ITSN2: variants seen among roughly 807,000 people sequenced by gnomAD.
The protein encoded by ITSN2 is intersectin 2, also known as intersectin-2.
Under a neutral mutation model 243.7 loss-of-function variants are expected in ITSN2, and 156 were observed. The ratio of observed to expected loss-of-function variants is 0.64; its 90% CI spans 0.56 to 0.73. ITSN2 has a LOEUF of 0.73. ITSN2 is among the 30% of genes least tolerant of loss of function. The pLI is 0.00. For synonymous variants in ITSN2, 703 were observed against 699.9 expected (o/e 1.00, Z -0.07); for missense variants, 1,801 against 1,996.1 (o/e 0.90, Z 1.86).
chr2:24,266,832 G>T (rs1238820741), intron 20 of ITSN2, among the ~76,000 whole-genome samples: 1 of 151,346 alleles, frequency 6.6e-6, no homozygotes, highest in Non-Finnish European at 1.5e-5. Context: ...CACTACTCAA[G>T]AGGTTGAGGT....
chr2:24,301,087 C>A, intron 11 of ITSN2, 67 bp downstream of exon 11: 1 of 816,610 alleles, frequency 1.2e-6, no homozygotes, highest in Non-Finnish European at 1.9e-6. Flanking sequence ...CTAAATATTC[C>A]ATTACATTTA....
intron 29 of ITSN2, among the ~76,000 whole-genome samples, chr2:24,231,259 G>A (rs1479487008): frequency 6.6e-6 from 1 of 152,092 alleles, no homozygotes. Context: ...TCAAACACCA[G>A]CTCCAAGATG....
At chr2:24,213,300 A>G (rs1453559131) in intron 32 of ITSN2, among the ~76,000 whole-genome samples, 1 of 152,156 alleles carries the variant, frequency 6.6e-6, no homozygotes, top group Non-Finnish European at 1.5e-5. Flanking sequence ...ATCGTGTTGC[A>G]GTGTCTCTAT....
Position 24,203,474 on chromosome 2 carries a change from T to TA in ITSN2, c.*151dup, listed in dbSNP as rs1668521828. ...AAAGGTGTTTGCATAGATTGCTAGC[T>TA]ATTTAGTGTGCAGGAAAACAGAGCC... On this transcript the variant is annotated 3_prime_UTR_variant, in exon 40 of 40. Transcript: ENST00000355123. 1.4e-6 allele frequency: 1 copy of TA among 694,230 alleles called. No homozygotes were observed. The highest frequency in any genetic ancestry group is 2.3e-6 in the Non-Finnish European group (1 of 425,986). The allele number at this position is 694,230 out of a possible 1,614,324, so 43.0% of individuals were successfully genotyped here.
At chr2:24,261,053 T>G in intron 22 of ITSN2, 53 bp downstream of exon 22, 1 of 1,525,354 alleles carries the variant, frequency 6.6e-7, no homozygotes, top group South Asian at 1.2e-5. Context: ...CATTCTATTT[T>G]AATCAGGAGC....
At position 24,208,307 on chromosome 2, in the gene ITSN2, C is replaced by T. The variant is rs143298177; in HGVS notation, c.4608G>A (p.Val1536=). 5 of 1,612,286 alleles carry T rather than the reference C, an allele frequency of 3.1e-6. No individual in the cohort carries two copies. The highest frequency in any genetic ancestry group is 4.2e-6 in the Non-Finnish European group (5 of 1,179,808). The part of the protein sequence containing the change: ...TDNINERTAW[V]QKIKAASEQY... ...GCTCAGACGCCGCCTTGATCTTCTG[C>T]ACCCAGGCGGTCCTACGGGAGAAGC... The change falls in exon 37 of 40, where the codon GTG becomes GTA. Residue 1536 remains valine, a synonymous_variant. Coordinates refer to ENST00000355123, the MANE Select transcript of ITSN2 (RefSeq NM_006277.3).
At chr2:24,273,081 C>T (rs1396007187) in intron 18 of ITSN2, among the ~76,000 whole-genome samples, 3 of 152,172 alleles carry the variant, frequency 2.0e-5, no homozygotes. Flanking sequence ...AAAGTGGGAA[C>T]CTTGGCATAA....
chr2:24,340,981 A>T (rs1686997212), intron 1 of ITSN2, among the ~76,000 whole-genome samples: 1 of 152,200 alleles, frequency 6.6e-6, no homozygotes, highest in Admixed American at 6.5e-5. Context: ...CCAATTATGA[A>T]GTGACTGGCA....
At chr2:24,203,821 C>A (rs776594663) in intron 39 of ITSN2, 38 bp from the exon 40 acceptor site, 1 of 1,576,242 alleles carries the variant, frequency 6.3e-7, no homozygotes, top group Non-Finnish European at 8.6e-7. Flanking sequence ...AGTCTTTCTT[C>A]TTTATAAAAT....
intron 13 of ITSN2, among the ~76,000 whole-genome samples, chr2:24,296,659 C>T (rs771524169): frequency 1.3e-5 from 2 of 152,176 alleles, no homozygotes; most frequent in Non-Finnish European, 2.9e-5. Context: ...CTAAGCCTAA[C>T]TAACCTTGGT....
At chr2:24,305,271 A>G (rs569689350) in intron 8 of ITSN2, among the ~76,000 whole-genome samples, 22 of 152,224 alleles carry the variant, frequency 1.4e-4, no homozygotes, top group African/African-American at 5.1e-4. Flanking sequence ...TTTAAAAACT[A>G]TGTTTAGGGG....
At chr2:24,282,932 A>G (rs907528301) in intron 17 of ITSN2, among the ~76,000 whole-genome samples, 5 of 151,354 alleles carry the variant, frequency 3.3e-5, no homozygotes, top group African/African-American at 1.2e-4. Context: ...TGCTCCATCA[A>G]TTACCACAAT....
chr2:24,295,039 T>C (rs1226869434), intron 14 of ITSN2, among the ~76,000 whole-genome samples: 1 of 152,228 alleles, frequency 6.6e-6, no homozygotes, highest in African/African-American at 2.4e-5. Flanking sequence ...AAATTTCTGT[T>C]GTTTATAAAT....
chr2:24,333,888 GTTTT>G (rs1385043073), intron 1 of ITSN2, among the ~76,000 whole-genome samples: 2 of 152,056 alleles, frequency 1.3e-5, no homozygotes, highest in African/African-American at 4.8e-5. Flanking sequence ...AGGTTTAGGG[GTTTT>G]TTTGTTTTGT....
At chr2:24,250,291 C>A (rs148556755) in intron 25 of ITSN2, among the ~76,000 whole-genome samples, 1 of 152,146 alleles carries the variant, frequency 6.6e-6, no homozygotes, top group African/African-American at 2.4e-5. Flanking sequence ...TGGGATTTAG[C>A]GAACATTTTC....
intron 37 of ITSN2, among the ~76,000 whole-genome samples, chr2:24,206,041 A>C (rs1487834523): frequency 3.9e-5 from 6 of 152,174 alleles, no homozygotes; most frequent in Admixed American, 3.9e-4. Flanking sequence ...AAATGTGGGA[A>C]GGACTGAACG....
intron 30 of ITSN2, among the ~76,000 whole-genome samples, chr2:24,218,313 T>C (rs1362832825): frequency 6.6e-6 from 1 of 152,166 alleles, no homozygotes; most frequent in Non-Finnish European, 1.5e-5. Context: ...AATAAAGCCA[T>C]GGGCATGAAC....
At chr2:24,302,228 T>C in intron 9 of ITSN2, 126 bp from the exon 10 acceptor site, 1 of 471,524 alleles carries the variant, frequency 2.1e-6, no homozygotes, top group Middle Eastern at 7.6e-4. Context: ...AGATGGAGTC[T>C]AGCTCTGTCG....
chr2:24,336,273 T>G (rs898792952), intron 1 of ITSN2, among the ~76,000 whole-genome samples: 19 of 150,916 alleles, frequency 1.3e-4, no homozygotes, highest in African/African-American at 4.4e-4. Context: ...GTTTCCCAAC[T>G]TGCCCACTCA....
Sources: gnomAD v4.1 joint callset for allele counts (sites outside exome capture counted in the v4.1 genomes callset) on GRCh38, gnomAD v4.1.1 for gene constraint, MANE v1.5 for transcripts, NCBI Gene and HGNC (gene_info 2026-07-23, HGNC 2026-07-21) for gene names.